The following MTSS1 variants were observed in gnomAD, a reference collection of about 807,000 sequenced individuals.
The protein encoded by MTSS1 is protein MTSS 1.
In MTSS1, 18 loss-of-function variants were observed where a neutral mutation model predicts 79.0. That is an observed-to-expected ratio of 0.23 (90% CI 0.16 to 0.34). The LOEUF is 0.34. MTSS1 is among the 10% of genes least tolerant of loss of function. The pLI is 1.00. For missense variants in MTSS1, 815 were observed against 986.2 expected (o/e 0.83, Z 2.33); for synonymous variants, 341 against 368.6 (o/e 0.93, Z 0.86).
chr8:124,708,876 A>G (rs1830750732), intron 1 of MTSS1, among the ~76,000 whole-genome samples: 2 of 152,146 alleles, frequency 1.3e-5, no homozygotes, highest in Admixed American at 6.5e-5. Flanking sequence ...TAGATTCTAA[A>G]AAAAGAAAAA....
intron 6 of MTSS1, chr8:124,580,749 G>GCCTTACTAATATCTTCCTT: frequency 1.7e-6 from 1 of 583,572 alleles, no homozygotes; most frequent in Non-Finnish European, 3.0e-6. Context: ...CCCCTTCTCT[G>GCCTTACTAATATCTTCCTT]CCTTACTAAT....
At position 124,683,079 on chromosome 8, in the gene MTSS1, T is replaced by A. The variant is rs551654769; in HGVS notation, c.208+16447A>T. On this transcript the variant is annotated intron_variant, in intron 3 of 13. Transcript: ENST00000518547. This position sits in a 1 kb window ranked among gnomAD's most constrained non-coding sequence, Gnocchi z 4.5. ...CTAAAGTAGTGAAATGACAGTACATTCAACTATCTGGCCCCATTTTATTTC... is the reference window on the plus strand; with the variant it reads ...CTAAAGTAGTGAAATGACAGTACATACAACTATCTGGCCCCATTTTATTTC... Among the ~76,000 whole-genome samples the A allele has an allele frequency of 2.6e-5, 4 of 152,236 alleles. No individual in the cohort carries two copies. Among genetic ancestry groups the A allele is most frequent in the African/African-American group, 7.2e-5 (3 of 41,534 alleles).
rs112764872 is a variant in MTSS1 at position 124,631,465 on chromosome 8, G to A, written c.209-40230C>T. Among the ~76,000 whole-genome samples the A allele has an allele frequency of 8.3e-4, 126 of 152,288 alleles. 1 individual carries two copies. The highest frequency in any genetic ancestry group is 2.6e-3 in the African/African-American group (110 of 41,550). On this transcript the variant is annotated intron_variant, in intron 3 of 13. Transcript: ENST00000518547. Reference sequence around the variant, plus strand: ...CACAGCTCAGACCCTGTCCTGGCCCGCAGGCCACTGCCTCCTCAGAACTCT... The same window carrying A: ...CACAGCTCAGACCCTGTCCTGGCCCACAGGCCACTGCCTCCTCAGAACTCT...
chr8:124,596,278 C>T (rs980924462), intron 3 of MTSS1, among the ~76,000 whole-genome samples: 1 of 152,162 alleles, frequency 6.6e-6, no homozygotes, highest in African/African-American at 2.4e-5. Flanking sequence ...TTCCCAGAAC[C>T]AGGAACCAAC....
At chr8:124,557,631 G>T (rs985551044) in intron 11 of MTSS1, 50 bp downstream of exon 11, 12 of 1,491,432 alleles carry the variant, frequency 8.0e-6, no homozygotes, top group Non-Finnish European at 1.1e-5. Flanking sequence ...CAGAAGAGGG[G>T]TGAGCACAGA....
At chr8:124,602,188 C>CATATATATAT in intron 3 of MTSS1, among the ~76,000 whole-genome samples, 4 of 116,786 alleles carry the variant, frequency 3.4e-5, no homozygotes, top group African/African-American at 1.7e-4. Context: ...CATATATATA[C>CATATATATAT]ATATATATAT....
At chr8:124,601,601 G>T (rs1833828154) in intron 3 of MTSS1, among the ~76,000 whole-genome samples, 2 of 152,346 alleles carry the variant, frequency 1.3e-5, no homozygotes, top group East Asian at 1.9e-4. Flanking sequence ...AGAGAGCCCA[G>T]AAGTCCTAAA....
chr8:124,600,041 AAAAAAAAAAAAAAC>A (rs1427015085), intron 3 of MTSS1, among the ~76,000 whole-genome samples: 7 of 120,836 alleles, frequency 5.8e-5, no homozygotes, highest in African/African-American at 1.5e-4. Context: ...GTTGTACTAC[AAAAAAAAAAAAAAC>A]AAAAAAAAAA....
chr8:124,557,943 AC>A (rs1824367403), intron 10 of MTSS1, 68 bp from the exon 11 acceptor site: 1 of 1,256,080 alleles, frequency 8.0e-7, no homozygotes, highest in East Asian at 2.6e-5. Context: ...GTGCGGAGAT[AC>A]AAAATGGCAT....
chr8:124,638,885 A>C (rs1458324443), intron 3 of MTSS1, among the ~76,000 whole-genome samples: 7 of 152,254 alleles, frequency 4.6e-5, no homozygotes, highest in Non-Finnish European at 1.0e-4. Flanking sequence ...TTGGAAATCC[A>C]GAACAATCTC....
chr8:124,565,624 C>A (rs756924482), intron 9 of MTSS1, 38 bp downstream of exon 9: 19 of 1,556,806 alleles, frequency 1.2e-5, no homozygotes, highest in African/African-American at 4.1e-5. Flanking sequence ...GAAAAATGAC[C>A]CGTCCTGAAA....
At chr8:124,588,078 A>T (rs1347005251) in intron 5 of MTSS1, among the ~76,000 whole-genome samples, 1 of 152,220 alleles carries the variant, frequency 6.6e-6, no homozygotes, top group African/African-American at 2.4e-5. Flanking sequence ...TACGGTAAGT[A>T]CTCAGTAGCA....
chr8:124,648,934 C>T (rs1294625303), intron 3 of MTSS1, among the ~76,000 whole-genome samples: 6 of 152,234 alleles, frequency 3.9e-5, no homozygotes, highest in African/African-American at 9.6e-5. Context: ...AACATCCAGC[C>T]TCTATGAGAC....
chr8:124,724,830 A>G (rs1833449222), intron 1 of MTSS1, among the ~76,000 whole-genome samples: 1 of 152,160 alleles, frequency 6.6e-6, no homozygotes, highest in Non-Finnish European at 1.5e-5. Context: ...TGCAGTCAAG[A>G]TCGTCTACAC....
intron 3 of MTSS1, among the ~76,000 whole-genome samples, chr8:124,643,331 C>T (rs1235150744): frequency 6.6e-6 from 1 of 152,008 alleles, no homozygotes; most frequent in East Asian, 1.9e-4. Flanking sequence ...GGGAAATGGC[C>T]AAATAAACAG....
At chr8:124,672,995 G>A (rs1043792076) in intron 3 of MTSS1, among the ~76,000 whole-genome samples, 3 of 152,078 alleles carry the variant, frequency 2.0e-5, no homozygotes, top group Non-Finnish European at 4.4e-5. Context: ...CAAGCCCCAG[G>A]AACTGAATCT....
At chr8:124,647,703 T>C (rs1819251224) in intron 3 of MTSS1, among the ~76,000 whole-genome samples, 1 of 152,242 alleles carries the variant, frequency 6.6e-6, no homozygotes, top group Non-Finnish European at 1.5e-5. Flanking sequence ...TCTTCAATTG[T>C]TACAGCTCGT....
chr8:124,614,065 G>A (rs1385843457), intron 3 of MTSS1, among the ~76,000 whole-genome samples: 1 of 151,430 alleles, frequency 6.6e-6, no homozygotes, highest in Non-Finnish European at 1.5e-5. Context: ...TTGGGTGGCT[G>A]AGGTGGGAGG....
chr8:124,632,659 TTTTGTTTG>T (rs751592312), intron 3 of MTSS1, among the ~76,000 whole-genome samples: 1 of 151,748 alleles, frequency 6.6e-6, no homozygotes, highest in African/African-American at 2.4e-5. Flanking sequence ...CAGAATTAGG[TTTTGTTTG>T]TTTGTTTGTT....
Sources: allele counts gnomAD v4.1 joint callset (sites outside exome capture counted in the v4.1 genomes callset), GRCh38; gene constraint gnomAD v4.1.1; non-coding constraint Gnocchi (gnomAD v3.1); transcripts MANE v1.5; gene names NCBI Gene and HGNC (gene_info 2026-07-23, HGNC 2026-07-21).